Variants in DOCK8 observed in about 807,000 individuals in gnomAD.
DOCK8 encodes the protein dedicator of cytokinesis 8.
In DOCK8, 141 loss-of-function variants were observed where a neutral mutation model predicts 245.6. The observed-to-expected ratio is 0.57, with a 90% CI of 0.50 to 0.66. The LOEUF (loss-of-function observed/expected upper bound fraction) is 0.66. Ranked by LOEUF, DOCK8 falls within the 30% of genes least tolerant of loss-of-function variation. The pLI, the probability that DOCK8 is intolerant of heterozygous loss-of-function variation, is 0.00. For missense variants in DOCK8, 2,965 were observed against 2,603.4 expected (o/e 1.14, Z -3.02); for synonymous variants, 1,168 against 970.2 (o/e 1.20, Z -3.79).
chr9:244,456 C>T (rs1340505058), intron 1 of DOCK8, among the ~76,000 whole-genome samples: 1 of 151,994 alleles, frequency 6.6e-6, no homozygotes, highest in Non-Finnish European at 1.5e-5. Flanking sequence ...CCCTTTTATA[C>T]GCACAGAGCA....
chr9:217,518 T>A (rs1230811326), intron 1 of DOCK8, among the ~76,000 whole-genome samples: 3 of 152,206 alleles, frequency 2.0e-5, no homozygotes, highest in African/African-American at 7.2e-5. Flanking sequence ...TATAAAAGGT[T>A]CTATAATCCT....
intron 1 of DOCK8, among the ~76,000 whole-genome samples, chr9:248,363 T>C (rs182781824): frequency 6.6e-6 from 1 of 152,352 alleles, no homozygotes; most frequent in Admixed American, 6.5e-5. Flanking sequence ...TGGTCAATTT[T>C]ACCTTCCTTG....
chr9:343,066 C>T (rs2051688886), intron 14 of DOCK8, among the ~76,000 whole-genome samples: 1 of 152,194 alleles, frequency 6.6e-6, no homozygotes, highest in Non-Finnish European at 1.5e-5. Context: ...CTCACCCATA[C>T]TTTCCAGTAT....
intron 1 of DOCK8, among the ~76,000 whole-genome samples, chr9:247,073 A>C (rs1378600748): frequency 5.3e-5 from 8 of 152,194 alleles, no homozygotes; most frequent in Admixed American, 5.2e-4. Flanking sequence ...ACAGATAGGG[A>C]ATATTGAGTA....
rs191590394 is a variant in DOCK8 at position 333,365 on chromosome 9, G to C, written c.1126-860G>C. On this transcript the variant is annotated intron_variant, in intron 10 of 47. Transcript: ENST00000432829. ...ACCTGTAATCCCAGCACTTTGGGAG[G>C]CCAAGGCGGGCAGATCATGAGGTCA... 2.0e-3 allele frequency among the ~76,000 whole-genome samples: 305 copies of C among 152,348 alleles called. 5 individuals carry two copies. The highest frequency in any genetic ancestry group is 0.017 in the Admixed American group (259 of 15,308).
At chr9:441,756 T>G (rs1587062591) in intron 41 of DOCK8, 119 bp from the exon 42 acceptor site, 4 of 1,306,268 alleles carry the variant, frequency 3.1e-6, no homozygotes, top group Non-Finnish European at 4.3e-6. Context: ...AATTTCTGTT[T>G]ACATCAGCCA....
At chr9:293,583 C>T (rs1164646053) in intron 4 of DOCK8, among the ~76,000 whole-genome samples, 1 of 152,208 alleles carries the variant, frequency 6.6e-6, no homozygotes, top group African/African-American at 2.4e-5. Context: ...GACTCGTGGG[C>T]AGGAAGGTGT....
At chr9:313,384 TG>T (rs552875210) in intron 6 of DOCK8, among the ~76,000 whole-genome samples, 11 of 152,362 alleles carry the variant, frequency 7.2e-5, no homozygotes, top group African/African-American at 2.6e-4. Context: ...ACTTAATGAT[TG>T]GGGTCCTGAA....
intron 45 of DOCK8, among the ~76,000 whole-genome samples, chr9:451,730 C>G (rs938935720): frequency 2.0e-5 from 3 of 151,804 alleles, no homozygotes; most frequent in Non-Finnish European, 4.4e-5. Flanking sequence ...CTGAGATGTC[C>G]AAGACCTTCC....
chr9:307,976 A>G (rs543095675), intron 5 of DOCK8, among the ~76,000 whole-genome samples: 2 of 152,330 alleles, frequency 1.3e-5, no homozygotes, highest in African/African-American at 4.8e-5. Flanking sequence ...ATACTGCATG[A>G]TCTCACTTAT....
intron 34 of DOCK8, 150 bp downstream of exon 34, chr9:427,131 C>G: frequency 1.4e-6 from 1 of 694,998 alleles, no homozygotes; most frequent in Admixed American, 2.4e-5. Context: ...CTATTTACAA[C>G]AGTGTCTACC....
chr9:459,737 T>C (rs967070479), intron 46 of DOCK8: 1 of 152,354 alleles, frequency 6.6e-6, no homozygotes, highest in African/African-American at 2.4e-5. Context: ...CTCACTCATG[T>C]CTGGTGTCTG....
chr9:230,915 A>G (rs1383307318), intron 1 of DOCK8, among the ~76,000 whole-genome samples: 2 of 151,810 alleles, frequency 1.3e-5, no homozygotes, highest in African/African-American at 2.4e-5. Context: ...ATTAGATCCC[A>G]TTTGTCAATT....
chr9:239,154 C>A (rs1359139119), intron 1 of DOCK8, among the ~76,000 whole-genome samples: 1 of 152,192 alleles, frequency 6.6e-6, no homozygotes, highest in Non-Finnish European at 1.5e-5. Flanking sequence ...TATTTGATAA[C>A]CTGCTGTATT....
chr9:334,134 G>T, intron 10 of DOCK8, 91 bp from the exon 11 acceptor site: 1 of 1,429,084 alleles, frequency 7.0e-7, no homozygotes, highest in Non-Finnish European at 9.8e-7. Flanking sequence ...AGTAGGGTTT[G>T]GATTTTGGAG....
At chr9:305,323 C>T (rs912765840) in intron 5 of DOCK8, among the ~76,000 whole-genome samples, 4 of 151,694 alleles carry the variant, frequency 2.6e-5, no homozygotes, top group Non-Finnish European at 5.9e-5. Context: ...CGCTCTGTCG[C>T]CCAGGCTGGA....
rs77895144 is a variant in DOCK8, at chr9:438,559, C to T, written c.5080-686C>T. Among the ~76,000 whole-genome samples the T allele has an allele frequency of 9.7e-3, 1,477 of 152,324 alleles. 25 individuals carry two copies. Among genetic ancestry groups the T allele is most frequent in the African/African-American group, 0.033 (1,389 of 41,572 alleles). ...GGGTCGAGCGGGTACAAGATCAGTA[C>T]TTCCATGGCCCTAAAAGCGAGTACC... is the stretch of plus-strand genomic sequence containing the variant. On this transcript the variant is annotated intron_variant, in intron 39 of 47. Coordinates refer to ENST00000432829, the MANE Select transcript of DOCK8 (RefSeq NM_203447.4).
intron 1 of DOCK8, among the ~76,000 whole-genome samples, chr9:226,187 G>T (rs1464966283): frequency 1.3e-5 from 2 of 152,130 alleles, no homozygotes; most frequent in African/African-American, 4.8e-5. Context: ...AGGAGCAAAG[G>T]CATATCTTAA....
At position 312,404 on chromosome 9, in the gene DOCK8, A is replaced by C. The variant is rs769522754; in HGVS notation, c.741+238A>C. 6 of 647,404 alleles carry C rather than the reference A, an allele frequency of 9.3e-6. No individual in the cohort carries two copies. The African/African-American group carries it at 1.1e-4, about 12-fold the overall frequency. 40.1% of individuals were successfully genotyped at this position (647,404 alleles called of 1,614,324 possible). On this transcript the variant is annotated intron_variant, in intron 6 of 47. Transcript: ENST00000432829. ...AACTGGAATTTTCATAGCACTTTAC[A>C]AAATATGTTCACTAAGAGCATCTCA...
Sources: gnomAD v4.1 joint callset for allele counts (sites outside exome capture counted in the v4.1 genomes callset) on GRCh38, gnomAD v4.1.1 for gene constraint, MANE v1.5 for transcripts, NCBI Gene and HGNC (gene_info 2026-07-23, HGNC 2026-07-21) for gene names.